The following PRCP variants were observed in gnomAD, a reference collection of about 807,000 sequenced individuals.
The protein encoded by PRCP is lysosomal Pro-X carboxypeptidase.
PRCP carries 46 observed loss-of-function variants against 54.2 expected under a neutral mutation model. The observed-to-expected ratio is 0.85, with a 90% CI of 0.67 to 1.09. PRCP has a LOEUF of 1.09. Ranked by LOEUF, PRCP falls within the 50% of genes least tolerant of loss-of-function variation. The pLI is 0.00. For synonymous variants in PRCP, 240 were observed against 212.2 expected (o/e 1.13, Z -1.14); for missense variants, 613 against 596.8 (o/e 1.03, Z -0.28).
chr11:82,827,886 T>C (rs1322753412), intron 8 of PRCP: 1 of 152,244 alleles, frequency 6.6e-6, no homozygotes, highest in Non-Finnish European at 1.5e-5. Context: ...TATTAATTCT[T>C]CTAATACATA....
intron 6 of PRCP, among the ~76,000 whole-genome samples, chr11:82,847,876 G>C (rs1416517396): frequency 6.6e-6 from 1 of 152,288 alleles, no homozygotes; most frequent in Admixed American, 6.5e-5. Context: ...TTACAGGGAT[G>C]AGCGACCATG....
Position 82,894,301 on chromosome 11 carries a change from A to G in PRCP, c.168+5934T>C, listed in dbSNP as rs1013182631. On this transcript the variant is annotated intron_variant, in intron 1 of 8. Coordinates refer to ENST00000313010, the MANE Select transcript of PRCP (RefSeq NM_005040.4). ...ATTATAAATATTGTACCAATTGAAG[A>G]GGTGATTACTTTTTAATTTAAAAAC... Among the ~76,000 whole-genome samples the G allele has an allele frequency of 5.9e-5, 9 of 152,330 alleles. No individual in the cohort carries two copies. The South Asian group carries it at 1.5e-3, about 25-fold the overall frequency.
chr11:82,898,337 G>A (rs1860165964), intron 1 of PRCP, among the ~76,000 whole-genome samples: 1 of 152,178 alleles, frequency 6.6e-6, no homozygotes, highest in African/African-American at 2.4e-5. Context: ...AAGGAGTGTA[G>A]TGGCCAAGAA....
chr11:82,868,897 A>G (rs557150594), intron 1 of PRCP, among the ~76,000 whole-genome samples: 56 of 152,174 alleles, frequency 3.7e-4, no homozygotes, highest in African/African-American at 1.3e-3. Context: ...TTAGCCAGGC[A>G]TGGTGATACA....
In PRCP at chr11:82,881,140, C is replaced by G. The variant is rs146018560; in HGVS notation, c.168+19095G>C. On this transcript the variant is annotated intron_variant, in intron 1 of 8. Transcript: ENST00000313010. ...GGTTATATAAAATGGAGGTTGTGATCCATTTGTAGGTTAGGAATTCATTTA... is the reference window on the plus strand; with the variant it reads ...GGTTATATAAAATGGAGGTTGTGATGCATTTGTAGGTTAGGAATTCATTTA... Among the ~76,000 whole-genome samples, 825 of 152,214 alleles carry G rather than the reference C, an allele frequency of 5.4e-3. 8 individuals carry two copies. Among genetic ancestry groups the G allele is most frequent in the African/African-American group, 0.019 (771 of 41,524 alleles).
At chr11:82,848,902 G>A (rs1258523845) in intron 6 of PRCP, 147 bp downstream of exon 6, 5 of 748,748 alleles carry the variant, frequency 6.7e-6, no homozygotes, top group Non-Finnish European at 1.0e-5. Flanking sequence ...TAATCAGAAA[G>A]TAGCAGAACC....
chr11:82,899,231 C>G (rs1044072389), intron 1 of PRCP, among the ~76,000 whole-genome samples: 1 of 152,166 alleles, frequency 6.6e-6, no homozygotes, highest in Non-Finnish European at 1.5e-5. Context: ...AGGTCTATAA[C>G]CACATATTAT....
chr11:82,888,249 G>A (rs902238747), intron 1 of PRCP, among the ~76,000 whole-genome samples: 1 of 152,130 alleles, frequency 6.6e-6, no homozygotes, highest in Non-Finnish European at 1.5e-5. Context: ...TAACAAATCT[G>A]TTTCTCCTAA....
intron 8 of PRCP, among the ~76,000 whole-genome samples, chr11:82,833,331 T>C (rs974559470): frequency 6.6e-6 from 1 of 152,198 alleles, no homozygotes; most frequent in Admixed American, 6.5e-5. Context: ...TTATGGAATA[T>C]TTCTTGGAGA....
At chr11:82,825,753 C>T (rs11233329) in intron 8 of PRCP, 28,090 of 152,018 alleles carry the variant, frequency 0.18, 2,943 homozygotes, top group Admixed American at 0.26. Flanking sequence ...ATCTGGAATC[C>T]GAAAATTTGG....
chr11:82,836,253 G>A (rs1858523292), intron 8 of PRCP: 2 of 150,844 alleles, frequency 1.3e-5, no homozygotes, highest in East Asian at 2.0e-4. Flanking sequence ...CAAAAAAGAC[G>A]ATGCTGTCTC....
intron 1 of PRCP, among the ~76,000 whole-genome samples, chr11:82,893,696 GGT>G (rs1860054211): frequency 6.6e-6 from 1 of 152,184 alleles, no homozygotes; most frequent in Non-Finnish European, 1.5e-5. Flanking sequence ...GGGATGCTGA[GGT>G]GGGAGGATCA....
At chr11:82,836,795 GC>G (rs1405656348) in intron 8 of PRCP, 1 of 263,760 alleles carries the variant, frequency 3.8e-6, no homozygotes, top group African/African-American at 2.3e-5. Context: ...CAAGCCATTT[GC>G]CCTGGCCTCC....
chr11:82,864,907 C>T (rs1427495280), intron 1 of PRCP, among the ~76,000 whole-genome samples: 4 of 152,028 alleles, frequency 2.6e-5, no homozygotes, highest in South Asian at 2.1e-4. Context: ...GAATAAAGTT[C>T]GCATCCAGAA....
chr11:82,880,246 G>A (rs1204608558), intron 1 of PRCP, among the ~76,000 whole-genome samples: 1 of 152,230 alleles, frequency 6.6e-6, no homozygotes, highest in Non-Finnish European at 1.5e-5. Flanking sequence ...AATGGCAGAT[G>A]CCCCTCCCCC....
chr11:82,877,736 T>A (rs893404224), intron 1 of PRCP, among the ~76,000 whole-genome samples: 1 of 152,266 alleles, frequency 6.6e-6, no homozygotes, highest in East Asian at 1.9e-4. Flanking sequence ...GCTGCAGGGG[T>A]GGAGCCCTCA....
chr11:82,846,777 C>A (rs1858817088), intron 6 of PRCP, among the ~76,000 whole-genome samples: 1 of 152,130 alleles, frequency 6.6e-6, no homozygotes. Context: ...TATTTATTCA[C>A]ATGTAAGACT....
At chr11:82,864,373 G>A (rs1859281660) in intron 1 of PRCP, among the ~76,000 whole-genome samples, 1 of 152,176 alleles carries the variant, frequency 6.6e-6, no homozygotes, top group African/African-American at 2.4e-5. Flanking sequence ...GGCACACTAG[G>A]GGCAGCATGC....
intron 1 of PRCP, among the ~76,000 whole-genome samples, chr11:82,874,607 C>T (rs1376679705): frequency 6.6e-6 from 1 of 151,114 alleles, no homozygotes; most frequent in Admixed American, 6.6e-5. Context: ...GGGAGGATCA[C>T]CTGAGCCCAG....
Sources: allele counts gnomAD v4.1 joint callset (sites outside exome capture counted in the v4.1 genomes callset), GRCh38; gene constraint gnomAD v4.1.1; transcripts MANE v1.5; gene names NCBI Gene and HGNC (gene_info 2026-07-23, HGNC 2026-07-21).